Variants in NEK10 observed in about 807,000 individuals in gnomAD.
NEK10 encodes the protein serine/threonine-protein kinase Nek10.
NEK10 carries 122 observed loss-of-function variants against 159.8 expected under a neutral mutation model. The observed-to-expected ratio is 0.76, with a 90% confidence interval of 0.66 to 0.89. The LOEUF is 0.89. Ranked by LOEUF, NEK10 falls within the 40% of genes least tolerant of loss-of-function variation. The probability of loss-of-function intolerance (pLI) is 0.00; values close to 1 mark genes in which losing one functional copy is unlikely to be tolerated. For synonymous variants in NEK10, 466 were observed against 457.1 expected (o/e 1.02, Z -0.25); for missense variants, 1,342 against 1,323.1 (o/e 1.01, Z -0.22).
intron 22 of NEK10, among the ~76,000 whole-genome samples, chr3:27,270,530 CA>C (rs1243691023): frequency 6.6e-6 from 1 of 152,112 alleles, no homozygotes; most frequent in Admixed American, 6.6e-5. Context: ...TTTAACCCTC[CA>C]AATTTCTGGG....
Position 27,292,767 on chromosome 3 carries a change from CAAAAA to C in NEK10, c.1373+816_1373+820del, listed in dbSNP as rs35773318. Among the ~76,000 whole-genome samples, 440 of 88,380 alleles carry C rather than the reference CAAAAA, an allele frequency of 5.0e-3. 4 individuals carry two copies. The highest frequency in any genetic ancestry group is 0.012 in the African/African-American group (368 of 31,588). 58.0% of individuals were successfully genotyped at this position (88,380 alleles called of 152,430 possible). A position where few individuals can be genotyped will look rare whatever the true frequency, so the allele number is the denominator to read the frequency against. ...GAGAAGCAACAGGATGAGCCTTTGT[CAAAAA>C]AAAAAAAAAAAAAGAGAACTAATTT... is the stretch of plus-strand genomic sequence containing the variant. On this transcript the variant is annotated intron_variant, in intron 16 of 35. Transcript: ENST00000691995.
At chr3:27,153,739 T>A (rs879730619) in intron 30 of NEK10, among the ~76,000 whole-genome samples, 53 of 152,168 alleles carry the variant, frequency 3.5e-4, no homozygotes, top group Non-Finnish European at 3.1e-4. Context: ...GATGGAAATT[T>A]AAAAATTCTT....
At chr3:27,315,466 C>T (rs1345276799) in intron 6 of NEK10, among the ~76,000 whole-genome samples, 1 of 152,174 alleles carries the variant, frequency 6.6e-6, no homozygotes, top group African/African-American at 2.4e-5. Flanking sequence ...AGTTCTATGA[C>T]TACCTACTAA....
intron 6 of NEK10, among the ~76,000 whole-genome samples, chr3:27,320,760 A>T (rs775716070): frequency 6.6e-6 from 1 of 152,238 alleles, no homozygotes; most frequent in Non-Finnish European, 1.5e-5. Context: ...AGGCCAGTTT[A>T]GAATACAGTA....
At chr3:27,164,927 T>C (rs1424019921) in intron 29 of NEK10, among the ~76,000 whole-genome samples, 1 of 152,224 alleles carries the variant, frequency 6.6e-6, no homozygotes, top group Non-Finnish European at 1.5e-5. Context: ...TATTAACAAA[T>C]GTTATGCATA....
intron 22 of NEK10, among the ~76,000 whole-genome samples, chr3:27,282,577 A>G (rs1381405536): frequency 6.8e-6 from 1 of 146,738 alleles, no homozygotes; most frequent in Non-Finnish European, 1.5e-5. Flanking sequence ...TGTGTTATAT[A>G]TATATACATA....
Position 27,192,331 on chromosome 3 carries a change from T to C in NEK10, c.2292-89A>G, listed in dbSNP as rs540243225. The C allele has an allele frequency of 3.4e-4, 300 of 884,786 alleles. 2 individuals carry two copies. The Admixed American group carries it at 5.5e-3, about 16-fold the overall frequency. 54.8% of individuals were successfully genotyped at this position (884,786 alleles called of 1,614,324 possible). Reference sequence around the variant, plus strand: ...AGGGTCAAGGTTAAACTCCACTGTGTGTCCACTATGGTATTTTCACCTAAG... The same window carrying C: ...AGGGTCAAGGTTAAACTCCACTGTGCGTCCACTATGGTATTTTCACCTAAG... On this transcript the variant is annotated intron_variant, in intron 25 of 35. Coordinates refer to ENST00000691995, the MANE Select transcript of NEK10 (RefSeq NM_001394966.1).
chr3:27,272,742 G>A (rs1287386625), intron 22 of NEK10, among the ~76,000 whole-genome samples: 1 of 152,140 alleles, frequency 6.6e-6, no homozygotes, highest in Non-Finnish European at 1.5e-5. Context: ...TGATAACCAG[G>A]TCAAAAACCA....
At chr3:27,256,469 A>C (rs1183279421) in intron 22 of NEK10, 98 bp from the exon 23 acceptor site, 1 of 503,878 alleles carries the variant, frequency 2.0e-6, no homozygotes, top group Non-Finnish European at 3.3e-6. Flanking sequence ...ACTACACTTC[A>C]TAACCAAAGG....
intron 32 of NEK10, among the ~76,000 whole-genome samples, chr3:27,124,883 G>A (rs1941762856): frequency 6.6e-6 from 1 of 152,124 alleles, no homozygotes; most frequent in African/African-American, 2.4e-5. Flanking sequence ...GCCATGAGAT[G>A]GTTCAGTAGT....
intron 23 of NEK10, among the ~76,000 whole-genome samples, chr3:27,207,121 G>A (rs1950604759): frequency 6.6e-6 from 1 of 152,190 alleles, no homozygotes; most frequent in African/African-American, 2.4e-5. Context: ...AAGAGCTAAT[G>A]TTTCCAGGAC....
intron 5 of NEK10, among the ~76,000 whole-genome samples, chr3:27,335,480 A>C (rs1172004054): frequency 1.3e-5 from 2 of 152,174 alleles, no homozygotes; most frequent in Non-Finnish European, 2.9e-5. Flanking sequence ...GAAACGTTGG[A>C]TTTAAACTGG....
rs908692463 is a variant in NEK10 at position 27,110,959 on chromosome 3, G to A, written c.*313C>T. The A allele has an allele frequency of 4.1e-6, 1 of 243,914 alleles. No individual in the cohort carries two copies. The highest frequency in any genetic ancestry group is 5.5e-5 in the Admixed American group (1 of 18,120). The allele number at this position is 243,914 out of a possible 1,614,324, so 15.1% of individuals were successfully genotyped here. On this transcript the variant is annotated 3_prime_UTR_variant, in exon 36 of 36. Coordinates refer to ENST00000691995, the MANE Select transcript of NEK10 (RefSeq NM_001394966.1). ...ATGTTAAGGAAAATTCTGTAAGAGAGTTTTTTTGTTGTTGTTTTTGGGTTT... is the reference window on the plus strand; with the variant it reads ...ATGTTAAGGAAAATTCTGTAAGAGAATTTTTTTGTTGTTGTTTTTGGGTTT...
rs1559463688 is a variant in NEK10, at chr3:27,109,847, T to C, written c.*1425A>G. On this transcript the variant is annotated 3_prime_UTR_variant, in exon 36 of 36. Coordinates refer to ENST00000691995, the MANE Select transcript of NEK10 (RefSeq NM_001394966.1). ...ATTATCTTACATTACAGTGTATCTGTAATTGTTAATTTGGCTTAAAGAAAG... is the reference window on the plus strand; with the variant it reads ...ATTATCTTACATTACAGTGTATCTGCAATTGTTAATTTGGCTTAAAGAAAG... Among the ~76,000 whole-genome samples the C allele has an allele frequency of 6.6e-6, 1 of 152,230 alleles. No homozygotes were observed. Among genetic ancestry groups the C allele is most frequent in the African/African-American group, 2.4e-5 (1 of 41,458 alleles).
At chr3:27,297,288 ATAC>A (rs2149517421) in intron 13 of NEK10, 48 bp from the exon 14 acceptor site, 1 of 1,212,990 alleles carries the variant, frequency 8.2e-7, no homozygotes, top group African/African-American at 1.5e-5. Flanking sequence ...TACAATAAAT[ATAC>A]TATCACATAA....
intron 22 of NEK10, chr3:27,278,886 G>A: frequency 1.0e-6 from 1 of 984,454 alleles, no homozygotes; most frequent in Non-Finnish European, 1.2e-6. Context: ...TAGGGCAAAT[G>A]TTGACTGTGT....
intron 22 of NEK10, among the ~76,000 whole-genome samples, chr3:27,282,627 ATACATAACTGTGT>A (rs1477975818): frequency 7.7e-5 from 11 of 142,482 alleles, no homozygotes; most frequent in African/African-American, 2.8e-4. Flanking sequence ...TTATATATAT[ATACATAACTGTGT>A]TATATATATA....
chr3:27,284,548 T>C lies in NEK10; in HGVS notation c.2014+54A>G, dbSNP rs1176438490. 1.1e-5 allele frequency: 11 copies of C among 1,004,624 alleles called. No individual in the cohort carries two copies. The Admixed American group carries it at 1.7e-4, about 16-fold the overall frequency. The allele number at this position is 1,004,624 out of a possible 1,614,324, so 62.2% of individuals were successfully genotyped here. A position where few individuals can be genotyped will look rare whatever the true frequency, so the allele number is the denominator to read the frequency against. Reference sequence around the variant, plus strand: ...AAAGTTCTACTGGACACTACTACTCTAGGATAGTATTCAGGAATTCTTCAG... The same window carrying C: ...AAAGTTCTACTGGACACTACTACTCCAGGATAGTATTCAGGAATTCTTCAG... On this transcript the variant is annotated intron_variant, in intron 22 of 35. Coordinates refer to ENST00000691995, the MANE Select transcript of NEK10 (RefSeq NM_001394966.1).
intron 31 of NEK10, among the ~76,000 whole-genome samples, chr3:27,140,333 G>A (rs1943661285): frequency 6.6e-6 from 1 of 152,108 alleles, no homozygotes; most frequent in African/African-American, 2.4e-5. Context: ...ACCCCTTGAG[G>A]AAGGCCCCTG....
Sources: allele counts gnomAD v4.1 joint callset (sites outside exome capture counted in the v4.1 genomes callset), GRCh38; gene constraint gnomAD v4.1.1; transcripts MANE v1.5; gene names NCBI Gene and HGNC (gene_info 2026-07-23, HGNC 2026-07-21).